MEF2A: variants seen among roughly 807,000 people sequenced by gnomAD.
The protein encoded by MEF2A is myocyte-specific enhancer factor 2A.
A neutral mutation model predicts 55.8 loss-of-function variants in MEF2A; 28 were observed. The ratio of observed to expected loss-of-function variants is 0.50; its 90% CI spans 0.37 to 0.69. MEF2A has a LOEUF of 0.69. Among genes scored for constraint, MEF2A ranks in the 30% least tolerant of loss-of-function variants. MEF2A has a pLI of 0.00. For missense variants in MEF2A, 528 were observed against 626.2 expected (o/e 0.84, Z 1.67); for synonymous variants, 239 against 227.1 (o/e 1.05, Z -0.47).
intron 1 of MEF2A, among the ~76,000 whole-genome samples, chr15:99,585,453 C>A (rs1966888293): frequency 6.6e-6 from 1 of 152,122 alleles, no homozygotes; most frequent in Non-Finnish European, 1.5e-5. Context: ...TGAAATAAAT[C>A]TGTTCTTTTA....
At chr15:99,695,541 T>TGTGTGTGTGTGTGTGTGTGTGTG (rs1555498137) in intron 8 of MEF2A, among the ~76,000 whole-genome samples, 2 of 144,778 alleles carry the variant, frequency 1.4e-5, no homozygotes, top group Non-Finnish European at 3.0e-5. Context: ...ATTGTCAGAT[T>TGTGTGTGTGTGTGTGTGTGTGTG]TGTGTGTGTG....
At chr15:99,577,322 CAT>C (rs1202714248) in intron 1 of MEF2A, among the ~76,000 whole-genome samples, 2 of 152,146 alleles carry the variant, frequency 1.3e-5, no homozygotes, top group Non-Finnish European at 2.9e-5. Flanking sequence ...CTAGAAGAAA[CAT>C]AAAGATTTAT....
intron 5 of MEF2A, among the ~76,000 whole-genome samples, chr15:99,671,852 G>A (rs2050937465): frequency 6.6e-6 from 1 of 152,264 alleles, no homozygotes. Flanking sequence ...AAATGTAGAA[G>A]TGAAGAGAAA....
chr15:99,653,958 G>T (rs895816753), intron 4 of MEF2A, among the ~76,000 whole-genome samples: 8 of 152,010 alleles, frequency 5.3e-5, no homozygotes, highest in Admixed American at 1.3e-4. Flanking sequence ...TCTGAAAAAA[G>T]AACGTAGAAG....
chr15:99,655,706 T>TGGGG (rs2047594009), intron 4 of MEF2A, among the ~76,000 whole-genome samples: 2 of 151,902 alleles, frequency 1.3e-5, no homozygotes, highest in Non-Finnish European at 2.9e-5. Context: ...GAGATTAAAG[T>TGGGG]GGGGGGTTAG....
chr15:99,566,707 A>T (rs1315107192), intron 1 of MEF2A: 1 of 152,324 alleles, frequency 6.6e-6, no homozygotes, highest in African/African-American at 2.4e-5. Context: ...GGACTTGAAG[A>T]AGTTCCCCCA....
intron 2 of MEF2A, among the ~76,000 whole-genome samples, chr15:99,628,536 T>TC (rs1025516417): frequency 2.0e-5 from 3 of 152,200 alleles, no homozygotes; most frequent in Non-Finnish European, 4.4e-5. Context: ...AATCCATTTT[T>TC]CCCCCTCTTA....
At chr15:99,698,166 G>GA (rs2056791107) in intron 8 of MEF2A, among the ~76,000 whole-genome samples, 1 of 152,146 alleles carries the variant, frequency 6.6e-6, no homozygotes, top group Non-Finnish European at 1.5e-5. Context: ...GATCCATAAA[G>GA]AAAAAACTGA....
At chr15:99,627,837 A>G (rs2042289785) in intron 2 of MEF2A, among the ~76,000 whole-genome samples, 1 of 152,194 alleles carries the variant, frequency 6.6e-6, no homozygotes, top group African/African-American at 2.4e-5. Context: ...AAAGTTGAGG[A>G]AGTGTTAAAT....
chr15:99,643,803 A>G (rs1487051238), intron 3 of MEF2A, among the ~76,000 whole-genome samples: 1 of 151,998 alleles, frequency 6.6e-6, no homozygotes, highest in East Asian at 1.9e-4. Flanking sequence ...GTGTTAGCCA[A>G]GATGGTCTCC....
chr15:99,649,146 A>AT (rs1410132922), intron 4 of MEF2A, among the ~76,000 whole-genome samples: 2 of 152,062 alleles, frequency 1.3e-5, no homozygotes, highest in Admixed American at 6.6e-5. Context: ...ATACAGGTTT[A>AT]TTTTTTTAAT....
chr15:99,588,852 T>A lies in MEF2A; in HGVS notation c.-224-9578T>A, dbSNP rs542147307. 3.7e-4 allele frequency among the ~76,000 whole-genome samples: 57 copies of A among 152,288 alleles called. No homozygotes were observed. The South Asian group carries it at 0.012, about 31-fold the overall frequency. ...TAATCACATGGGTTTTTTTGGCATG[T>A]TAATGTAGTGAATTACATTGATTTT... is the stretch of plus-strand genomic sequence containing the variant. On this transcript the variant is annotated intron_variant, in intron 1 of 11. Transcript: ENST00000557942.
At chr15:99,670,561 C>A (rs1392620689) in intron 4 of MEF2A, among the ~76,000 whole-genome samples, 1 of 151,108 alleles carries the variant, frequency 6.6e-6, no homozygotes, top group Non-Finnish European at 1.5e-5. Context: ...AGTGAGCCAA[C>A]ATCGTGCCAC....
chr15:99,569,956 A>G (rs555772662), intron 1 of MEF2A, among the ~76,000 whole-genome samples: 27 of 152,006 alleles, frequency 1.8e-4, no homozygotes, highest in African/African-American at 6.5e-4. Context: ...AATCTTACAC[A>G]TAGCACACGA....
chr15:99,647,717 GTTTTCTTTT>G (rs2046200576), intron 4 of MEF2A, among the ~76,000 whole-genome samples: 1 of 152,040 alleles, frequency 6.6e-6, no homozygotes, highest in Non-Finnish European at 1.5e-5. Context: ...GGATTTTGAT[GTTTTCTTTT>G]TAATTGCATT....
At chr15:99,633,596 T>C (rs1279109540) in intron 3 of MEF2A, among the ~76,000 whole-genome samples, 5 of 152,224 alleles carry the variant, frequency 3.3e-5, no homozygotes, top group Non-Finnish European at 7.4e-5. Context: ...CAGTTAAATT[T>C]TCTGGTTAAC....
chr15:99,681,712 A>G (rs1407676750), intron 7 of MEF2A: 1 of 152,212 alleles, frequency 6.6e-6, no homozygotes, highest in East Asian at 1.9e-4. Context: ...TCCATCTTAC[A>G]AGACATTTCA....
In MEF2A at chr15:99,713,183, T is replaced by A; in HGVS notation, c.*412T>A. The A allele has an allele frequency of 7.3e-6, 3 of 408,424 alleles. No homozygotes were observed. The highest frequency in any genetic ancestry group is 1.3e-5 in the Non-Finnish European group (3 of 231,394). 25.3% of individuals were successfully genotyped at this position (408,424 alleles called of 1,614,324 possible). ...TAACTGTGCAGTGACTGTAGTTACT[T>A]AAGAGAAAATGCTTTGTAGAACAGA... On this transcript the variant is annotated 3_prime_UTR_variant, in exon 12 of 12. Transcript: ENST00000557942.
At chr15:99,650,330 G>A (rs77790232) in intron 4 of MEF2A, among the ~76,000 whole-genome samples, 199 of 152,212 alleles carry the variant, frequency 1.3e-3, no homozygotes, top group African/African-American at 3.9e-3. Flanking sequence ...GCATTTTACC[G>A]TAAGTAGATA....
Sources: gnomAD v4.1 joint callset for allele counts (sites outside exome capture counted in the v4.1 genomes callset) on GRCh38, gnomAD v4.1.1 for gene constraint, MANE v1.5 for transcripts, NCBI Gene and HGNC (gene_info 2026-07-23, HGNC 2026-07-21) for gene names.